SASH1: variants seen among roughly 807,000 people sequenced by gnomAD.
SASH1 encodes the protein SAM and SH3 domain containing 1.
Under a neutral mutation model 125.2 loss-of-function variants are expected in SASH1, and 44 were observed. The observed-to-expected ratio is 0.35, with a 90% CI of 0.28 to 0.45. The LOEUF is 0.45. Among genes scored for constraint, SASH1 ranks in the 20% least tolerant of loss-of-function variants. The pLI, the probability that SASH1 is intolerant of heterozygous loss-of-function variation, is 1.00. For synonymous variants in SASH1, 639 were observed against 649.1 expected (o/e 0.98, Z 0.24); for missense variants, 1,426 against 1,614.5 (o/e 0.88, Z 2.00).
At chr6:148,464,930 C>T (rs1041868882) in intron 4 of SASH1, among the ~76,000 whole-genome samples, 3 of 152,108 alleles carry the variant, frequency 2.0e-5, no homozygotes, top group African/African-American at 7.2e-5. Flanking sequence ...AACTACAGTG[C>T]CATCTGCTGG....
At chr6:148,219,446 T>A in the SASH1 span, among the ~76,000 whole-genome samples, 81 of 152,258 alleles carry the variant, frequency 5.3e-4, 1 homozygote, top group African/African-American at 1.9e-3. Context: ...CTCAAATTCT[T>A]CTGACGCTAT....
the SASH1 span, among the ~76,000 whole-genome samples, chr6:148,229,583 G>A: frequency 0.3 from 45,471 of 151,792 alleles, 7,459 homozygotes; most frequent in East Asian, 0.39. Flanking sequence ...AAAAAGTGAC[G>A]TCCAAATTTA....
intron 1 of SASH1, among the ~76,000 whole-genome samples, chr6:148,281,581 C>T (rs562555168): frequency 2.6e-5 from 4 of 152,064 alleles, no homozygotes; most frequent in South Asian, 2.1e-4. Context: ...TGTCAGAGCT[C>T]GGAGCAGAAT....
At position 148,525,399 on chromosome 6, in the gene SASH1, A is replaced by AT. The variant is rs762189466; in HGVS notation, c.1284+36dup. Reference sequence around the variant, plus strand: ...CATCAGAGGAAAGCAAAAAATATGGATTCAGGCGATGAGGTTGACAATAGT... The same window carrying AT: ...CATCAGAGGAAAGCAAAAAATATGGATTTCAGGCGATGAGGTTGACAATAGT... On this transcript the variant is annotated intron_variant, in intron 11 of 19. Coordinates refer to ENST00000367467, the MANE Select transcript of SASH1 (RefSeq NM_015278.5). 4 of 1,478,594 alleles carry AT rather than the reference A, an allele frequency of 2.7e-6. No homozygotes were observed. The African/African-American group carries it at 5.5e-5, about 20-fold the overall frequency. The allele number at this position is 1,478,594 out of a possible 1,614,324, so 91.6% of individuals were successfully genotyped here.
chr6:148,357,684 G>A (rs923654415), intron 1 of SASH1, among the ~76,000 whole-genome samples: 1 of 152,094 alleles, frequency 6.6e-6, no homozygotes, highest in Non-Finnish European at 1.5e-5. Flanking sequence ...CAGCACCCAT[G>A]ACTGTCCACT....
chr6:148,288,340 C>A (rs532477590), intron 1 of SASH1, among the ~76,000 whole-genome samples: 1 of 152,300 alleles, frequency 6.6e-6, no homozygotes, highest in Non-Finnish European at 1.5e-5. Context: ...ATCAGCCCAA[C>A]CCTGTGACAG....
At chr6:148,522,709 A>AAAG (rs1177632998) in intron 10 of SASH1, among the ~76,000 whole-genome samples, 1 of 152,196 alleles carries the variant, frequency 6.6e-6, no homozygotes, top group African/African-American at 2.4e-5. Flanking sequence ...GCATCTATCT[A>AAAG]AAGTGTTTTT....
chr6:148,322,929 C>CTCTCTTT (rs1554234555), intron 1 of SASH1, among the ~76,000 whole-genome samples: 1 of 121,648 alleles, frequency 8.2e-6, no homozygotes, highest in African/African-American at 3.0e-5. Flanking sequence ...TTCTTTCTCT[C>CTCTCTTT]TTTCTTTTCC....
chr6:148,508,488 G>C (rs1466760358), intron 8 of SASH1: 5 of 1,006,058 alleles, frequency 5.0e-6, no homozygotes, highest in Non-Finnish European at 5.9e-6. Flanking sequence ...GGAGGTCAGG[G>C]AGCCTTCCTC....
chr6:148,424,761 A>G (rs1231739835), intron 2 of SASH1, among the ~76,000 whole-genome samples: 3 of 152,270 alleles, frequency 2.0e-5, no homozygotes, highest in Non-Finnish European at 2.9e-5. Flanking sequence ...AGATACACCT[A>G]CCCCTTCACC....
At chr6:148,501,912 G>T (rs12205031) in intron 8 of SASH1, among the ~76,000 whole-genome samples, 6,314 of 152,244 alleles carry the variant, frequency 0.041, 166 homozygotes, top group Admixed American at 0.07. Context: ...CAAAGTTCAT[G>T]AGTTTAAGAA....
chr6:148,360,645 C>CCCT (rs1554242967), intron 1 of SASH1, among the ~76,000 whole-genome samples: 4 of 78,996 alleles, frequency 5.1e-5, no homozygotes, highest in African/African-American at 1.6e-4. Flanking sequence ...CACCCCCCCG[C>CCCT]CAGGCTTTAA....
At chr6:148,388,146 C>A (rs929282935) in intron 1 of SASH1, among the ~76,000 whole-genome samples, 1 of 151,956 alleles carries the variant, frequency 6.6e-6, no homozygotes, top group African/African-American at 2.4e-5. Context: ...AACTCCTGAC[C>A]GCAGGTGATC....
intron 2 of SASH1, among the ~76,000 whole-genome samples, chr6:148,403,829 A>G (rs1784272980): frequency 6.6e-6 from 1 of 152,168 alleles, no homozygotes; most frequent in Non-Finnish European, 1.5e-5. Context: ...ACTGCACCCC[A>G]CCTTCCCATA....
intron 2 of SASH1, among the ~76,000 whole-genome samples, chr6:148,392,156 C>G (rs1199470046): frequency 1.3e-5 from 2 of 152,080 alleles, no homozygotes; most frequent in Non-Finnish European, 2.9e-5. Flanking sequence ...CGTGGTGGCG[C>G]ATGCCTCTAA....
At chr6:148,216,357 C>G in the SASH1 span, among the ~76,000 whole-genome samples, 1 of 152,074 alleles carries the variant, frequency 6.6e-6, no homozygotes, top group African/African-American at 2.4e-5. Flanking sequence ...GCCTTCTGTA[C>G]TTCGTTGTGC....
the SASH1 span, among the ~76,000 whole-genome samples, chr6:148,230,254 A>G: frequency 9.9e-5 from 15 of 152,060 alleles, no homozygotes; most frequent in African/African-American, 3.6e-4. Context: ...ATTCATTTTT[A>G]TTGCTGAATA....
At chr6:148,528,236 G>A (rs1426818510) in intron 12 of SASH1, among the ~76,000 whole-genome samples, 1 of 152,134 alleles carries the variant, frequency 6.6e-6, no homozygotes. Context: ...TAAATTGCAT[G>A]GGTGGAGGGA....
chr6:148,414,470 C>T (rs1458482925), intron 2 of SASH1, among the ~76,000 whole-genome samples: 1 of 152,088 alleles, frequency 6.6e-6, no homozygotes, highest in African/African-American at 2.4e-5. Context: ...GCTTCAGGTT[C>T]TCTTTCTGTA....
Sources: gnomAD v4.1 joint callset for allele counts (sites outside exome capture counted in the v4.1 genomes callset) on GRCh38, gnomAD v4.1.1 for gene constraint, MANE v1.5 for transcripts, NCBI Gene and HGNC (gene_info 2026-07-23, HGNC 2026-07-21) for gene names.